DNAH8: variants seen among roughly 807,000 people sequenced by gnomAD.
DNAH8 encodes axonemal beta dynein heavy chain 8.
In DNAH8, 382 loss-of-function variants were observed where a neutral mutation model predicts 562.1. The ratio of observed to expected loss-of-function variants is 0.68; its 90% CI spans 0.63 to 0.74. The LOEUF (loss-of-function observed/expected upper bound fraction) is 0.74. Among genes scored for constraint, DNAH8 ranks in the 30% least tolerant of loss-of-function variants. The probability of loss-of-function intolerance (pLI) is 0.00; values close to 1 mark genes in which losing one functional copy is unlikely to be tolerated. For missense variants in DNAH8, 5,203 were observed against 5,620.4 expected (o/e 0.93, Z 2.37); for synonymous variants, 1,881 against 1,919.4 (o/e 0.98, Z 0.52).
At position 38,850,414 on chromosome 6, in the gene DNAH8, G is replaced by C; in HGVS notation, c.5363G>C (p.Gly1788Ala). The C allele has an allele frequency of 1.2e-6, 2 of 1,609,750 alleles. No homozygotes were observed. The highest frequency in any genetic ancestry group is 1.7e-6 in the Non-Finnish European group (2 of 1,178,198). ...QLEVCQKSLT[G>A]YLEKKRLLFP... ...GAAGTATGTCAGAAGTCACTCACAG[G>C]GTAAGAGTTTAATTTTTAAATCACA... is the stretch of plus-strand genomic sequence containing the variant. Residue 1788 changes from glycine to alanine, a missense_variant and splice_region_variant, in exon 38 of 93, where the codon GGG (glycine) becomes GCG (alanine). Physicochemically the swap from Gly to Ala is moderately conservative, Grantham distance 60. This residue lies in a region of DNAH8 where 2,176 missense variants were observed against 2,365.1 expected (regional missense o/e 0.92). Transcript: ENST00000327475.
intron 1 of DNAH8, among the ~76,000 whole-genome samples, chr6:38,715,943 TATATA>T (rs1562520689): frequency 1.6e-3 from 44 of 26,842 alleles, no homozygotes; most frequent in South Asian, 0.011. Context: ...TATATATATA[TATATA>T]TATATATATA....
At chr6:38,956,894 T>C (rs559576666) in intron 82 of DNAH8, among the ~76,000 whole-genome samples, 1 of 152,198 alleles carries the variant, frequency 6.6e-6, no homozygotes, top group East Asian at 1.9e-4. Context: ...ACAAATCAAC[T>C]AGAAAACAAG....
intron 13 of DNAH8, among the ~76,000 whole-genome samples, chr6:38,777,680 A>T (rs1044779541): frequency 2.0e-5 from 3 of 151,914 alleles, no homozygotes; most frequent in African/African-American, 7.3e-5. Flanking sequence ...CTATCCTCCC[A>T]TCTCCCCCCA....
In DNAH8 at chr6:38,938,039, G is replaced by A; in HGVS notation, c.11629G>A (p.Val3877Ile). 1 of 1,614,084 alleles carries A rather than the reference G, an allele frequency of 6.2e-7. No homozygotes were observed. The stretch of plus-strand genomic sequence containing the variant: ...AACTACCAAGCAGACAGCAGCTGAG[G>A]TAAGTGAAAAGTTGCATGTGGCTGC... Reference protein sequence around the residue: ...LRTTKQTAAEVSEKLHVAAET... With the variant: ...LRTTKQTAAEISEKLHVAAET... Residue 3877 changes from valine to isoleucine, a missense_variant, in exon 78 of 93, where the codon GTA (valine) becomes ATA (isoleucine). Transcript: ENST00000327475.
Position 38,857,638 on chromosome 6 carries a change from A to G in DNAH8, c.5854A>G (p.Thr1952Ala). Residue 1952 changes from threonine to alanine, a missense_variant, in exon 42 of 93, where the codon ACT becomes GCT. Around this residue, in one of 6 missense-constraint regions of DNAH8, gnomAD observed 2,176 missense variants for 2,365.1 expected, o/e 0.92. Coordinates refer to ENST00000327475, the MANE Select transcript of DNAH8 (RefSeq NM_001206927.2). Reference protein sequence around the residue: ...TNQKFLDILNTLISQTTHDLS... With the variant: ...TNQKFLDILNALISQTTHDLS... ...TCAGAAATTTTTGGATATTCTAAAT[A>G]CTCTCATTAGTCAGACAACACATGA... The G allele has an allele frequency of 6.2e-7, 1 of 1,613,656 alleles. No individual in the cohort carries two copies. The highest frequency in any genetic ancestry group is 8.5e-7 in the Non-Finnish European group (1 of 1,179,626).
At chr6:38,940,197 C>T (rs1345226045) in intron 79 of DNAH8, among the ~76,000 whole-genome samples, 2 of 152,200 alleles carry the variant, frequency 1.3e-5, no homozygotes, top group South Asian at 4.1e-4. Context: ...ATCTTCCCAA[C>T]TGCAGGAATA....
chr6:38,923,310 A>C lies in DNAH8; in HGVS notation c.10790+125A>C, dbSNP rs115503147. On this transcript the variant is annotated intron_variant, in intron 72 of 92. Coordinates refer to ENST00000327475, the MANE Select transcript of DNAH8 (RefSeq NM_001206927.2). ...ACAGTGCTTGCAACTTAAATCATGC[A>C]CTCTCAGGTGAAATACTATAGAGGG... 3.5e-3 allele frequency: 4,013 copies of C among 1,151,216 alleles called. 103 individuals are homozygous for C. In the African/African-American group the frequency reaches 0.053, roughly 15 times the overall value. 71.3% of individuals were successfully genotyped at this position (1,151,216 alleles called of 1,614,324 possible).
chr6:38,880,557 T>G (rs1778397966), intron 53 of DNAH8, among the ~76,000 whole-genome samples: 2 of 152,078 alleles, frequency 1.3e-5, no homozygotes, highest in Admixed American at 1.3e-4. Flanking sequence ...TAAAAAAAAT[T>G]TATCCAGAAT....
intron 21 of DNAH8, among the ~76,000 whole-genome samples, chr6:38,795,772 A>C (rs1200848923): frequency 2.0e-5 from 3 of 152,246 alleles, no homozygotes; most frequent in Non-Finnish European, 1.5e-5. Context: ...TGACAGGGCA[A>C]GTTGGATCAC....
chr6:38,722,860 T>G lies in DNAH8; in HGVS notation c.51T>G (p.Pro17=). ...CCCCTTCTGAGGGAGCAGAGGCTCC[T>G]CCCTCTACGGAAGAGGCTGCCCCTC... ...DGAPSEGAEA[P]PSTEEAAPPR... The change falls in exon 2 of 93, where the codon CCT becomes CCG. Residue 17 remains proline (P), a synonymous_variant. Coordinates refer to ENST00000327475, the MANE Select transcript of DNAH8 (RefSeq NM_001206927.2). 4 of 1,611,092 alleles carry G rather than the reference T, an allele frequency of 2.5e-6. No homozygotes were observed. Among genetic ancestry groups the G allele is most frequent in the Non-Finnish European group, 3.4e-6 (4 of 1,179,030 alleles).
intron 4 of DNAH8, among the ~76,000 whole-genome samples, chr6:38,731,376 G>A (rs1311218032): frequency 1.3e-5 from 2 of 152,048 alleles, no homozygotes; most frequent in South Asian, 4.1e-4. Flanking sequence ...TATAGTGGCT[G>A]TTTAATTTTG....
At chr6:38,851,530 A>G (rs762844244) in intron 38 of DNAH8, 42 bp from the exon 39 acceptor site, 38 of 1,270,220 alleles carry the variant, frequency 3.0e-5, no homozygotes, top group East Asian at 2.5e-4. Context: ...AATTTAGGGG[A>G]AAAAAAACCA....
At chr6:38,785,623 C>T (rs952131650) in intron 17 of DNAH8, among the ~76,000 whole-genome samples, 1 of 151,932 alleles carries the variant, frequency 6.6e-6, no homozygotes, top group African/African-American at 2.4e-5. Context: ...CTAATACTTT[C>T]CCTCCCCTTG....
At chr6:38,904,420 G>T (rs1402951003) in intron 62 of DNAH8, among the ~76,000 whole-genome samples, 16 of 152,192 alleles carry the variant, frequency 1.1e-4, no homozygotes, top group Admixed American at 1.0e-3. Flanking sequence ...GCTTGCGATG[G>T]AGAGTGAGAA....
intron 45 of DNAH8, among the ~76,000 whole-genome samples, chr6:38,865,533 T>C (rs1776966319): frequency 2.0e-5 from 3 of 152,236 alleles, no homozygotes; most frequent in Admixed American, 2.0e-4. Context: ...ATGGTTCTAC[T>C]CCATCATGAA....
intron 79 of DNAH8, among the ~76,000 whole-genome samples, chr6:38,940,100 C>T (rs770766929): frequency 6.6e-6 from 1 of 152,012 alleles, no homozygotes; most frequent in African/African-American, 2.4e-5. Context: ...AAGGTGGTGA[C>T]GTGATTGATC....
At chr6:38,738,599 A>G (rs1246034273) in intron 7 of DNAH8, among the ~76,000 whole-genome samples, 1 of 152,226 alleles carries the variant, frequency 6.6e-6, no homozygotes, top group African/African-American at 2.4e-5. Context: ...CCAGATCTCT[A>G]GTTCATCAGC....
At chr6:38,904,228 A>G (rs949818882) in intron 62 of DNAH8, among the ~76,000 whole-genome samples, 1 of 152,204 alleles carries the variant, frequency 6.6e-6, no homozygotes, top group Non-Finnish European at 1.5e-5. Context: ...CACAGTGTCC[A>G]TAGATAATAA....
intron 26 of DNAH8, among the ~76,000 whole-genome samples, chr6:38,816,062 GTTTTA>G (rs10585359): frequency 0.49 from 73,799 of 149,638 alleles, 19,159 homozygotes; most frequent in East Asian, 0.69. Context: ...ATTTTATTTT[GTTTTA>G]TTTTATTTTA....
Sources: gnomAD v4.1 joint callset for allele counts (sites outside exome capture counted in the v4.1 genomes callset) on GRCh38, gnomAD v4.1.1 for gene constraint, gnomAD v4.1.1 regional missense constraint, MANE v1.5 for transcripts, NCBI Gene and HGNC (gene_info 2026-07-23, HGNC 2026-07-21) for gene names.